SEC14L1: variants seen among roughly 807,000 people sequenced by gnomAD.
SEC14L1 encodes the protein SEC14-like protein 1.
A neutral mutation model predicts 85.3 loss-of-function variants in SEC14L1; 48 were observed. The ratio of observed to expected loss-of-function variants is 0.56; its 90% CI spans 0.45 to 0.72. SEC14L1 has a LOEUF of 0.72. SEC14L1 is among the 30% of genes least tolerant of loss of function. The probability of loss-of-function intolerance (pLI) is 0.00; values close to 1 mark genes in which losing one functional copy is unlikely to be tolerated. For synonymous variants in SEC14L1, 391 were observed against 355.5 expected, an observed-to-expected ratio of 1.10 and a Z score of -1.12; for missense variants, 682 against 921.4, an observed-to-expected ratio of 0.74 and a Z score of 3.36.
At chr17:77,138,637 A>G (rs1820087999), upstream of SEC14L1, among the ~76,000 whole-genome samples, 1 of 151,942 alleles carries the variant, frequency 6.6e-6, no homozygotes, top group South Asian at 2.1e-4. Context: ...ACAAACAAAC[A>G]AAAAAACAAA....
chr17:77,185,087 C>G, intron 3 of SEC14L1: 1 of 428,186 alleles, frequency 2.3e-6, no homozygotes, highest in Non-Finnish European at 3.1e-6. Flanking sequence ...AAAGGCAGGA[C>G]TTATCTTTTT....
intron 3 of SEC14L1, chr17:77,180,888 T>A (rs1436007665): frequency 6.6e-6 from 1 of 152,192 alleles, no homozygotes; most frequent in Non-Finnish European, 1.5e-5. Flanking sequence ...ATTTGAAACC[T>A]CGGTTTACCA....
intron 3 of SEC14L1, among the ~76,000 whole-genome samples, chr17:77,119,764 C>T (rs1036139234): frequency 1.3e-5 from 2 of 152,164 alleles, no homozygotes; most frequent in Admixed American, 6.6e-5. Flanking sequence ...TACATAATCC[C>T]TGGATTACAT....
At chr17:77,122,905 AGAAT>A (rs1314082433) in intron 3 of SEC14L1, among the ~76,000 whole-genome samples, 9 of 140,956 alleles carry the variant, frequency 6.4e-5, no homozygotes, top group Middle Eastern at 6.9e-3. Flanking sequence ...CAGCAGCCTG[AGAAT>A]CACACAGCAT....
At chr17:77,104,677 G>A (rs890544814) in intron 3 of SEC14L1, among the ~76,000 whole-genome samples, 5 of 150,604 alleles carry the variant, frequency 3.3e-5, no homozygotes, top group African/African-American at 9.8e-5. Context: ...TGGAATCCCA[G>A]CTACTCAGGA....
intron 3 of SEC14L1, among the ~76,000 whole-genome samples, chr17:77,112,603 C>T (rs1257041857): frequency 6.6e-6 from 1 of 152,034 alleles, no homozygotes; most frequent in Non-Finnish European, 1.5e-5. Flanking sequence ...AGTATTTAGG[C>T]GGCCAGGCGT....
At chr17:77,106,802 A>G (rs561939362) in intron 3 of SEC14L1, among the ~76,000 whole-genome samples, 67 of 152,276 alleles carry the variant, frequency 4.4e-4, no homozygotes, top group Non-Finnish European at 4.4e-5. Context: ...GCGCCACTGC[A>G]CTCCAACCTA....
intron 8 of SEC14L1, among the ~76,000 whole-genome samples, chr17:77,197,920 A>G (rs1218347029): frequency 6.6e-6 from 1 of 152,240 alleles, no homozygotes; most frequent in Non-Finnish European, 1.5e-5. Context: ...ATGACTTTTT[A>G]AAGACAATGC....
At chr17:77,129,279 A>G (rs934779958) in intron 3 of SEC14L1, among the ~76,000 whole-genome samples, 5 of 152,134 alleles carry the variant, frequency 3.3e-5, no homozygotes, top group Non-Finnish European at 7.4e-5. Context: ...TTCCATCAGC[A>G]TCCAATTAGT....
At chr17:77,177,427 A>G (rs1327774444) in intron 3 of SEC14L1, among the ~76,000 whole-genome samples, 16 of 151,006 alleles carry the variant, frequency 1.1e-4, no homozygotes, top group Non-Finnish European at 1.5e-5. Context: ...AAAGCTCAGT[A>G]ACTCTATGTC....
chr17:77,192,881 C>T (rs1040617803), intron 5 of SEC14L1, among the ~76,000 whole-genome samples: 1 of 152,192 alleles, frequency 6.6e-6, no homozygotes, highest in African/African-American at 2.4e-5. Flanking sequence ...AGGCTGGTCT[C>T]AAACTCCTGG....
At chr17:77,176,837 T>C (rs1974778619) in intron 3 of SEC14L1, among the ~76,000 whole-genome samples, 1 of 152,172 alleles carries the variant, frequency 6.6e-6, no homozygotes, top group Admixed American at 6.5e-5. Context: ...TCCGCCCACC[T>C]TGACCTCCCA....
intron 3 of SEC14L1, among the ~76,000 whole-genome samples, chr17:77,150,465 T>C (rs993523277): frequency 6.6e-6 from 1 of 152,234 alleles, no homozygotes; most frequent in Non-Finnish European, 1.5e-5. Context: ...TAAATGACTA[T>C]GAATGTGCAT....
chr17:77,154,990 A>AC (rs1402489041), intron 3 of SEC14L1, among the ~76,000 whole-genome samples: 1 of 151,260 alleles, frequency 6.6e-6, no homozygotes, highest in Non-Finnish European at 1.5e-5. Flanking sequence ...CTGTTTGGGG[A>AC]CCCCCAGTTG....
intron 3 of SEC14L1, among the ~76,000 whole-genome samples, chr17:77,129,598 T>G (rs1325330261): frequency 1.3e-5 from 2 of 152,104 alleles, no homozygotes; most frequent in Admixed American, 6.5e-5. Flanking sequence ...TGATCTTCTC[T>G]TTCACCCACA....
chr17:77,119,265 G>A (rs1188181036), intron 3 of SEC14L1, among the ~76,000 whole-genome samples: 2 of 147,514 alleles, frequency 1.4e-5, no homozygotes, highest in Admixed American at 6.9e-5. Flanking sequence ...CCGAGATTGC[G>A]CCACTGCACT....
intron 7 of SEC14L1, 49 bp downstream of exon 7, chr17:77,194,960 C>A (rs752400757): frequency 1.4e-6 from 2 of 1,421,120 alleles, no homozygotes; most frequent in Non-Finnish European, 2.0e-6. Context: ...GGGAAGTCGG[C>A]GTTGCCGTTT....
chr17:77,103,437 T>G (rs1373492449), intron 3 of SEC14L1, among the ~76,000 whole-genome samples: 2 of 150,494 alleles, frequency 1.3e-5, no homozygotes, highest in Non-Finnish European at 3.0e-5. Context: ...TGTTGTTGTT[T>G]TTTTTTTGTT....
intron 15 of SEC14L1, among the ~76,000 whole-genome samples, chr17:77,212,487 T>C (rs780415896): frequency 2.6e-5 from 4 of 152,096 alleles, no homozygotes; most frequent in Admixed American, 6.5e-5. Context: ...CTTCATAGGA[T>C]TTTTCCCCCC....
Sources: gnomAD v4.1 joint callset for allele counts (sites outside exome capture counted in the v4.1 genomes callset) on GRCh38, gnomAD v4.1.1 for gene constraint, MANE v1.5 for transcripts, NCBI Gene and HGNC (gene_info 2026-07-23, HGNC 2026-07-21) for gene names.